PLEKHA3: variants seen among roughly 807,000 people sequenced by gnomAD.
PLEKHA3 encodes the protein pleckstrin homology domain-containing family A member 3.
A neutral mutation model predicts 39.2 loss-of-function variants in PLEKHA3; 19 were observed. That is an observed-to-expected ratio of 0.48 (90% CI 0.34 to 0.71). PLEKHA3 has a LOEUF of 0.71. Ranked by LOEUF, PLEKHA3 falls within the 30% of genes least tolerant of loss-of-function variation. PLEKHA3 has a pLI of 0.01. For synonymous variants in PLEKHA3, 97 were observed against 118.6 expected, an observed-to-expected ratio of 0.82 and a Z score of 1.18; for missense variants, 253 against 359.5, an observed-to-expected ratio of 0.70 and a Z score of 2.40.
At chr2:178,488,389 T>C (rs1036396292) in intron 2 of PLEKHA3, among the ~76,000 whole-genome samples, 1 of 152,260 alleles carries the variant, frequency 6.6e-6, no homozygotes, top group South Asian at 2.1e-4. Flanking sequence ...ACTGAAGACA[T>C]CTTCTGTGTT....
chr2:178,495,390 C>T (rs1294764975), intron 4 of PLEKHA3, 106 bp from the exon 5 acceptor site: 7 of 1,069,820 alleles, frequency 6.5e-6, no homozygotes, highest in Non-Finnish European at 9.6e-6. Context: ...TTGAACATAA[C>T]ATAGTAATGT....
At chr2:178,497,476 C>T (rs530727049) in intron 5 of PLEKHA3, among the ~76,000 whole-genome samples, 34 of 152,108 alleles carry the variant, frequency 2.2e-4, no homozygotes, top group South Asian at 8.3e-4. Flanking sequence ...GTGATCTGCC[C>T]GCCTTAGTCT....
chr2:178,494,637 A>G (rs976231049), intron 4 of PLEKHA3, among the ~76,000 whole-genome samples: 6 of 152,128 alleles, frequency 3.9e-5, no homozygotes, highest in African/African-American at 1.4e-4. Flanking sequence ...CAAACTGACC[A>G]CAAGCTCCCT....
In PLEKHA3 at chr2:178,503,965, GT is replaced by G. The variant is rs1182807475; in HGVS notation, c.*84del. 2 of 1,523,230 alleles carry G rather than the reference GT, an allele frequency of 1.3e-6. No homozygotes were observed. Among genetic ancestry groups the G allele is most frequent in the Non-Finnish European group, 1.8e-6 (2 of 1,109,912 alleles). The allele number at this position is 1,523,230 out of a possible 1,614,324, so 94.4% of individuals were successfully genotyped here. A position where few individuals can be genotyped will look rare whatever the true frequency, so the allele number is the denominator to read the frequency against. On this transcript the variant is annotated 3_prime_UTR_variant, in exon 8 of 8. Coordinates refer to ENST00000234453, the MANE Select transcript of PLEKHA3 (RefSeq NM_019091.4). ...AATTAAACTATTGTTATAGGGAGTAGTTTTTTCCCTTAGGACTCTGCACTTT... is the reference window on the plus strand; with the variant it reads ...AATTAAACTATTGTTATAGGGAGTAGTTTTTCCCTTAGGACTCTGCACTTT...
Position 178,495,674 on chromosome 2 carries a change from G to A in PLEKHA3, c.615+14G>A, listed in dbSNP as rs1324914174. 6.3e-7 allele frequency: 1 copy of A among 1,577,866 alleles called. No individual in the cohort carries two copies. The highest frequency in any genetic ancestry group is 8.6e-7 in the Non-Finnish European group (1 of 1,160,842). On this transcript the variant is annotated intron_variant, in intron 5 of 7. Transcript: ENST00000234453. ...CCTGTTCAAATGGTTTGAACTTCTTGTTTTGGTTTTTTCCCTCAGTAGTAA... is the reference window on the plus strand; with the variant it reads ...CCTGTTCAAATGGTTTGAACTTCTTATTTTGGTTTTTTCCCTCAGTAGTAA...
intron 2 of PLEKHA3, among the ~76,000 whole-genome samples, chr2:178,486,031 T>C (rs1685246361): frequency 6.6e-6 from 1 of 152,240 alleles, no homozygotes; most frequent in Non-Finnish European, 1.5e-5. Flanking sequence ...GATACTACTT[T>C]AGTGTCCACC....
At position 178,507,975 on chromosome 2, in the gene PLEKHA3, CTTTA is replaced by C. The variant is rs1448157828; in HGVS notation, c.*4091_*4094del. The C allele has an allele frequency of 6.6e-6, 1 of 152,482 alleles. No homozygotes were observed. The highest frequency in any genetic ancestry group is 1.5e-5 in the Non-Finnish European group (1 of 67,820). 9.4% of individuals were successfully genotyped at this position (152,482 alleles called of 1,614,324 possible). On this transcript the variant is annotated 3_prime_UTR_variant, in exon 8 of 8. Transcript: ENST00000234453. ...TGATGTTTCATAATAATATGTGGGT[CTTTA>C]TTCATTCATCTTGATGGCTACTTGA...
At chr2:178,486,023 T>G (rs1685246222) in intron 2 of PLEKHA3, among the ~76,000 whole-genome samples, 2 of 152,242 alleles carry the variant, frequency 1.3e-5, no homozygotes, top group Admixed American at 1.3e-4. Flanking sequence ...TTCTTGTGGA[T>G]ACTACTTTAG....
chr2:178,488,211 T>G (rs1238589439), intron 2 of PLEKHA3, among the ~76,000 whole-genome samples: 1 of 152,250 alleles, frequency 6.6e-6, no homozygotes, highest in Non-Finnish European at 1.5e-5. Flanking sequence ...CATGTTGATA[T>G]GTAGGAGTTC....
At chr2:178,490,399 C>G (rs1685325014) in intron 2 of PLEKHA3, among the ~76,000 whole-genome samples, 1 of 152,200 alleles carries the variant, frequency 6.6e-6, no homozygotes. Flanking sequence ...TGTCACTTCT[C>G]AGTAGTTAGT....
At chr2:178,486,357 A>T (rs1236256145) in intron 2 of PLEKHA3, among the ~76,000 whole-genome samples, 2 of 152,184 alleles carry the variant, frequency 1.3e-5, no homozygotes, top group Non-Finnish European at 2.9e-5. Flanking sequence ...GCGAAATCAG[A>T]TAAAATGGCA....
rs1479480548 is a variant in PLEKHA3, at chr2:178,511,033, A to G, written c.*7146A>G. The G allele has an allele frequency of 6.6e-6, 1 of 152,156 alleles. No homozygotes were observed. Among genetic ancestry groups the G allele is most frequent in the Non-Finnish European group, 1.5e-5 (1 of 68,018 alleles). The allele number at this position is 152,156 out of a possible 1,614,324, so 9.4% of individuals were successfully genotyped here. On this transcript the variant is annotated 3_prime_UTR_variant, in exon 8 of 8. Transcript: ENST00000234453. ...TAAATCTCTTTCAGATATTTTAAGT[A>G]TCTTTTTTGTGTCTGGATTCAGAGA...
rs1685630084 is a variant in PLEKHA3, at chr2:178,507,972, G to A, written c.*4085G>A. 6.6e-6 allele frequency: 1 copy of A among 151,302 alleles called. No individual in the cohort carries two copies. The highest frequency in any genetic ancestry group is 2.5e-5 in the African/African-American group (1 of 40,680). 9.4% of individuals were successfully genotyped at this position (151,302 alleles called of 1,614,324 possible). ...TTCTGATGTTTCATAATAATATGTGGGTCTTTATTCATTCATCTTGATGGC... is the reference window on the plus strand; with the variant it reads ...TTCTGATGTTTCATAATAATATGTGAGTCTTTATTCATTCATCTTGATGGC... On this transcript the variant is annotated 3_prime_UTR_variant, in exon 8 of 8. Coordinates refer to ENST00000234453, the MANE Select transcript of PLEKHA3 (RefSeq NM_019091.4).
In PLEKHA3 at chr2:178,513,606, G is replaced by A. The variant is rs1685718667; in HGVS notation, c.*9719G>A. The A allele has an allele frequency of 6.6e-6, 1 of 152,134 alleles. No individual in the cohort carries two copies. The allele number at this position is 152,134 out of a possible 1,614,324, so 9.4% of individuals were successfully genotyped here. On this transcript the variant is annotated 3_prime_UTR_variant, in exon 8 of 8. Coordinates refer to ENST00000234453, the MANE Select transcript of PLEKHA3 (RefSeq NM_019091.4). ...TGTGTCTCTATCTGTGCATGCATCT[G>A]TATGCACAGTTTCTTAGTTGTGGAC...
At position 178,511,895 on chromosome 2, in the gene PLEKHA3, A is replaced by G. The variant is rs903383901; in HGVS notation, c.*8008A>G. ...CTAATCTAGTATATTTTCATAGGAT[A>G]GAATTTGCCCTTTCTGTCCCATAAT... is the stretch of plus-strand genomic sequence containing the variant. On this transcript the variant is annotated 3_prime_UTR_variant, in exon 8 of 8. Coordinates refer to ENST00000234453, the MANE Select transcript of PLEKHA3 (RefSeq NM_019091.4). 2.6e-5 allele frequency: 4 copies of G among 152,218 alleles called. No homozygotes were observed. Among genetic ancestry groups the G allele is most frequent in the African/African-American group, 9.7e-5 (4 of 41,450 alleles). 9.4% of individuals were successfully genotyped at this position (152,218 alleles called of 1,614,324 possible). A position where few individuals can be genotyped will look rare whatever the true frequency, so the allele number is the denominator to read the frequency against.
rs928651752 is a variant in PLEKHA3 at position 178,480,780 on chromosome 2, G to C, written c.-90G>C. On this transcript the variant is annotated 5_prime_UTR_variant, in exon 1 of 8. Transcript: ENST00000234453. ...CGTGCCGGCGGAGGGGGCCCGGGCG[G>C]GCCGGGAGGGGCTGCCCCAGGCCCT... 8.6e-7 allele frequency: 1 copy of C among 1,168,774 alleles called. No homozygotes were observed. The highest frequency in any genetic ancestry group is 1.1e-6 in the Non-Finnish European group (1 of 909,024). The allele number at this position is 1,168,774 out of a possible 1,614,324, so 72.4% of individuals were successfully genotyped here. A position where few individuals can be genotyped will look rare whatever the true frequency, so the allele number is the denominator to read the frequency against.
At chr2:178,482,820 G>A (rs1378687054) in intron 1 of PLEKHA3, among the ~76,000 whole-genome samples, 1 of 152,182 alleles carries the variant, frequency 6.6e-6, no homozygotes. Context: ...ATGCATTGTA[G>A]AAGCTGGTTG....
chr2:178,488,072 G>A (rs549010168), intron 2 of PLEKHA3, among the ~76,000 whole-genome samples: 1 of 151,636 alleles, frequency 6.6e-6, no homozygotes, highest in Non-Finnish European at 1.5e-5. Context: ...TCAGGAGTTC[G>A]AGACCAGCCT....
chr2:178,511,062 A>G lies in PLEKHA3; in HGVS notation c.*7175A>G, dbSNP rs1442958151. On this transcript the variant is annotated 3_prime_UTR_variant, in exon 8 of 8. Coordinates refer to ENST00000234453, the MANE Select transcript of PLEKHA3 (RefSeq NM_019091.4). ...TTTTTGTGTCTGGATTCAGAGAGGT[A>G]TGATAATGAGATTCTCTTCTAGAGG... 1 of 152,222 alleles carries G rather than the reference A, an allele frequency of 6.6e-6. No homozygotes were observed. Among genetic ancestry groups the G allele is most frequent in the African/African-American group, 2.4e-5 (1 of 41,450 alleles). The allele number at this position is 152,222 out of a possible 1,614,324, so 9.4% of individuals were successfully genotyped here.
Sources: allele counts gnomAD v4.1 joint callset (sites outside exome capture counted in the v4.1 genomes callset), GRCh38; gene constraint gnomAD v4.1.1; transcripts MANE v1.5; gene names NCBI Gene and HGNC (gene_info 2026-07-23, HGNC 2026-07-21).